Variants in PLEKHA5 observed in about 807,000 individuals in gnomAD.
The protein encoded by PLEKHA5 is pleckstrin homology domain-containing family A member 5.
PLEKHA5 carries 55 observed loss-of-function variants against 181.9 expected under a neutral mutation model. The observed-to-expected ratio is 0.30, with a 90% CI of 0.24 to 0.38. The LOEUF is 0.38. PLEKHA5 is among the 10% of genes least tolerant of loss of function. The pLI, the probability that PLEKHA5 is intolerant of heterozygous loss-of-function variation, is 1.00. For missense variants in PLEKHA5, 1,432 were observed against 1,549.5 expected (o/e 0.92, Z 1.27); for synonymous variants, 535 against 529.4 (o/e 1.01, Z -0.15).
Position 19,336,512 on chromosome 12 carries a change from TAGGAA to T in PLEKHA5, c.2449-2_2451del. On this transcript the variant is annotated splice_acceptor_variant and coding_sequence_variant, in exon 21 of 32. Transcript: ENST00000429027. LOFTEE classifies it high-confidence loss of function. ...TAAAGTAATTAACACTTTTTGGTTTTAGGAATTGGAACGAGCATGGAGAGAATATG... is the reference window on the plus strand; with the variant it reads ...TAAAGTAATTAACACTTTTTGGTTTTTTGGAACGAGCATGGAGAGAATATG... The T allele has an allele frequency of 6.4e-7, 1 of 1,554,500 alleles. No homozygotes were observed. Among genetic ancestry groups the T allele is most frequent in the African/African-American group, 1.4e-5 (1 of 73,684 alleles).
rs1005399536 is a variant in PLEKHA5 at position 19,130,974 on chromosome 12, T to C, written c.169+844T>C. ...TGGGGAAGCGGCTCTCTCGGGTGGC[T>C]TTGGGAGCTTGTTTGAATGCTAAGT... On this transcript the variant is annotated intron_variant, in intron 2 of 31. Coordinates refer to ENST00000429027, the MANE Select transcript of PLEKHA5 (RefSeq NM_001256470.2). The surrounding 1 kb of genome is among the most constrained non-coding windows in gnomAD (Gnocchi z 4.5). The C allele has an allele frequency of 6.6e-6, 1 of 152,384 alleles. No homozygotes were observed. The highest frequency in any genetic ancestry group is 1.5e-5 in the Non-Finnish European group (1 of 68,164). 9.4% of individuals were successfully genotyped at this position (152,384 alleles called of 1,614,324 possible). A position where few individuals can be genotyped will look rare whatever the true frequency, so the allele number is the denominator to read the frequency against.
At chr12:19,269,386 CAAAAAAAAGAAAAAA>C (rs1190368069) in intron 8 of PLEKHA5, among the ~76,000 whole-genome samples, 2 of 127,614 alleles carry the variant, frequency 1.6e-5, no homozygotes, top group Non-Finnish European at 3.3e-5. Flanking sequence ...GACTCTGTCT[CAAAAAAAAGAAAAAA>C]AAAAAAAAAG....
At chr12:19,340,561 T>G (rs1274390172) in intron 21 of PLEKHA5, among the ~76,000 whole-genome samples, 2 of 149,442 alleles carry the variant, frequency 1.3e-5, no homozygotes, top group Non-Finnish European at 3.0e-5. Context: ...GCCGTGTCTG[T>G]GTAGAAAGAG....
intron 3 of PLEKHA5, among the ~76,000 whole-genome samples, chr12:19,188,366 A>G (rs2050323998): frequency 6.6e-6 from 1 of 152,126 alleles, no homozygotes; most frequent in East Asian, 1.9e-4. Flanking sequence ...CATTTTTTTC[A>G]TAAATAAAAT....
chr12:19,331,454 C>T (rs74064452), intron 20 of PLEKHA5, among the ~76,000 whole-genome samples: 13,368 of 152,202 alleles, frequency 0.088, 757 homozygotes, highest in Admixed American at 0.18. Flanking sequence ...TTTCTCCCAC[C>T]TCAGCCTCCC....
chr12:19,346,856 CATT>C lies in PLEKHA5; in HGVS notation c.2710-133_2710-131del, dbSNP rs369556561. 566 of 520,244 alleles carry C rather than the reference CATT, an allele frequency of 1.1e-3. 1 individual carries two copies. Among genetic ancestry groups the C allele is most frequent in the African/African-American group, 9.7e-3 (498 of 51,516 alleles). The allele number at this position is 520,244 out of a possible 1,614,324, so 32.2% of individuals were successfully genotyped here. A position where few individuals can be genotyped will look rare whatever the true frequency, so the allele number is the denominator to read the frequency against. ...ATAAAAAATTTTTGATTTTACTTTTCATTATTAGACTTTTGGCTTGGCAGTGTC... is the reference window on the plus strand; with the variant it reads ...ATAAAAAATTTTTGATTTTACTTTTCATTAGACTTTTGGCTTGGCAGTGTC... On this transcript the variant is annotated intron_variant, in intron 23 of 31. Coordinates refer to ENST00000429027, the MANE Select transcript of PLEKHA5 (RefSeq NM_001256470.2).
intron 15 of PLEKHA5, among the ~76,000 whole-genome samples, chr12:19,308,087 CAG>C (rs925993770): frequency 5.9e-5 from 9 of 151,806 alleles, no homozygotes; most frequent in African/African-American, 9.7e-5. Context: ...AAGGGTATGA[CAG>C]TGAGAGAGAG....
chr12:19,162,709 C>A (rs767566657), intron 3 of PLEKHA5, among the ~76,000 whole-genome samples: 2 of 152,068 alleles, frequency 1.3e-5, no homozygotes, highest in Non-Finnish European at 2.9e-5. Context: ...TGGAACAAGT[C>A]ATTCAATCTC....
chr12:19,264,611 A>T (rs966975651), intron 7 of PLEKHA5, among the ~76,000 whole-genome samples: 1 of 152,184 alleles, frequency 6.6e-6, no homozygotes, highest in African/African-American at 2.4e-5. Flanking sequence ...AACGAATCGT[A>T]CCTGAATGAG....
intron 3 of PLEKHA5, among the ~76,000 whole-genome samples, chr12:19,223,411 C>T (rs932358439): frequency 8.6e-5 from 13 of 151,866 alleles, no homozygotes; most frequent in African/African-American, 2.9e-4. Flanking sequence ...TAGTTGTTTT[C>T]GTTGTGAGAT....
intron 26 of PLEKHA5, among the ~76,000 whole-genome samples, chr12:19,354,236 C>T (rs1033900368): frequency 3.8e-5 from 5 of 132,634 alleles, no homozygotes; most frequent in African/African-American, 8.2e-5. Context: ...ACTGCAAGCT[C>T]CGCCTCCCGG....
chr12:19,130,288 G>C lies in PLEKHA5; in HGVS notation c.169+158G>C, dbSNP rs1864271034. Among the ~76,000 whole-genome samples, 1 of 152,052 alleles carries C rather than the reference G, an allele frequency of 6.6e-6. No individual in the cohort carries two copies. The highest frequency in any genetic ancestry group is 6.5e-5 in the Admixed American group (1 of 15,290). On this transcript the variant is annotated intron_variant, in intron 2 of 31. Transcript: ENST00000429027. The surrounding 1 kb of genome is among the most constrained non-coding windows in gnomAD (Gnocchi z 4.5). The stretch of plus-strand genomic sequence containing the variant: ...GCGGCCGCAGGTAGAGGGGCCACGG[G>C]GACTCCGCCGCCGGGAGTTCTCTCC...
intron 5 of PLEKHA5, 78 bp downstream of exon 5, chr12:19,255,243 G>C: frequency 1.2e-6 from 1 of 824,438 alleles, no homozygotes; most frequent in Non-Finnish European, 1.7e-6. Context: ...GGACTTAAAA[G>C]TATAGAATAA....
At chr12:19,189,150 G>GAGTTC (rs1370437498) in intron 3 of PLEKHA5, among the ~76,000 whole-genome samples, 2 of 152,306 alleles carry the variant, frequency 1.3e-5, no homozygotes, top group African/African-American at 2.4e-5. Context: ...AGTGTGCCTG[G>GAGTTC]AACTAGGCAA....
At chr12:19,160,085 T>C (rs770046164) in intron 3 of PLEKHA5, among the ~76,000 whole-genome samples, 2 of 152,142 alleles carry the variant, frequency 1.3e-5, no homozygotes, top group Non-Finnish European at 2.9e-5. Context: ...TTATCTGTCA[T>C]CCATGGACTT....
At chr12:19,152,730 T>A (rs1328484338) in intron 3 of PLEKHA5, 13 of 152,196 alleles carry the variant, frequency 8.5e-5, no homozygotes, top group Admixed American at 8.5e-4. Flanking sequence ...GAATAAGCAC[T>A]GCACATGATA....
intron 3 of PLEKHA5, among the ~76,000 whole-genome samples, chr12:19,214,429 C>A (rs1220967792): frequency 6.6e-6 from 1 of 151,940 alleles, no homozygotes; most frequent in South Asian, 2.1e-4. Context: ...GTACAAATAG[C>A]CTTTTTGACT....
At chr12:19,327,727 C>T (rs1034343931) in intron 20 of PLEKHA5, among the ~76,000 whole-genome samples, 1 of 150,936 alleles carries the variant, frequency 6.6e-6, no homozygotes, top group Non-Finnish European at 1.5e-5. Context: ...TCACTGCAAC[C>T]TCCACCTTCC....
rs754861017 is a variant in PLEKHA5, at chr12:19,254,055, T to C, written c.311+32T>C. On this transcript the variant is annotated intron_variant, in intron 4 of 31. Coordinates refer to ENST00000429027, the MANE Select transcript of PLEKHA5 (RefSeq NM_001256470.2). ...AAAGAGTTTCATGGAATGCCTGTAT[T>C]CAAAATTGGGTTAGCATTGAAATTG... is the stretch of plus-strand genomic sequence containing the variant. 6.2e-6 allele frequency: 8 copies of C among 1,290,654 alleles called. No individual in the cohort carries two copies. In the East Asian group the frequency reaches 1.6e-4, roughly 26 times the overall value. 80.0% of individuals were successfully genotyped at this position (1,290,654 alleles called of 1,614,324 possible). A position where few individuals can be genotyped will look rare whatever the true frequency, so the allele number is the denominator to read the frequency against.
Sources: allele counts gnomAD v4.1 joint callset (sites outside exome capture counted in the v4.1 genomes callset), GRCh38; gene constraint gnomAD v4.1.1; non-coding constraint Gnocchi (gnomAD v3.1); transcripts MANE v1.5; gene names NCBI Gene and HGNC (gene_info 2026-07-23, HGNC 2026-07-21).